Variants in RBFOX1 observed in about 807,000 individuals in gnomAD.
The protein encoded by RBFOX1 is RNA binding protein fox-1 homolog 1.
RBFOX1 carries 8 observed loss-of-function variants against 57.7 expected under a neutral mutation model. That is an observed-to-expected ratio of 0.14 (90% CI 0.08 to 0.25). The LOEUF is 0.25. RBFOX1 is among the 10% of genes least tolerant of loss of function. RBFOX1 has a pLI of 1.00. For missense variants in RBFOX1, 611 were observed against 548.5 expected (o/e 1.11, Z -1.14); for synonymous variants, 326 against 222.4 (o/e 1.47, Z -4.15).
intron 1 of RBFOX1, among the ~76,000 whole-genome samples, chr16:5,294,900 C>T (rs1158611646): frequency 6.6e-6 from 1 of 151,166 alleles, no homozygotes; most frequent in Admixed American, 6.6e-5. Context: ...TGTGGTGGTG[C>T]ACGCCTTTGA....
intron 3 of RBFOX1, among the ~76,000 whole-genome samples, chr16:7,046,281 C>G (rs1356709389): frequency 6.6e-6 from 1 of 151,008 alleles, no homozygotes; most frequent in Admixed American, 6.6e-5. Context: ...CATCCAGTTA[C>G]TCTATCATTA....
chr16:7,520,633 G>T (rs2077328922), intron 5 of RBFOX1, among the ~76,000 whole-genome samples: 1 of 152,236 alleles, frequency 6.6e-6, no homozygotes. Context: ...CACTCCTGCT[G>T]CCGACTTTTT....
At chr16:6,112,548 G>C (rs956374910) in intron 1 of RBFOX1, among the ~76,000 whole-genome samples, 1 of 152,104 alleles carries the variant, frequency 6.6e-6, no homozygotes, top group Non-Finnish European at 1.5e-5. Flanking sequence ...AAAGTTAGCT[G>C]TGCATGGTGG....
At chr16:7,237,916 A>T (rs2093853161) in intron 4 of RBFOX1, among the ~76,000 whole-genome samples, 1 of 152,212 alleles carries the variant, frequency 6.6e-6, no homozygotes, top group African/African-American at 2.4e-5. Flanking sequence ...AAGCATGAGA[A>T]TTGCTTGAAC....
chr16:6,921,063 G>A (rs932730725), intron 3 of RBFOX1, among the ~76,000 whole-genome samples: 1 of 152,102 alleles, frequency 6.6e-6, no homozygotes, highest in East Asian at 1.9e-4. Flanking sequence ...GGGCTCAGCA[G>A]GTGTTGGTTT....
At chr16:7,578,825 C>G (rs574350733) in intron 5 of RBFOX1, among the ~76,000 whole-genome samples, 2 of 152,254 alleles carry the variant, frequency 1.3e-5, no homozygotes, top group East Asian at 1.9e-4. Flanking sequence ...ACTCTAGAAC[C>G]GAGAGTATGG....
chr16:6,678,742 A>G (rs2058160261), intron 3 of RBFOX1, among the ~76,000 whole-genome samples: 1 of 152,004 alleles, frequency 6.6e-6, no homozygotes, highest in Admixed American at 6.6e-5. Context: ...GATTAATTGG[A>G]AGAAGTGCTA....
intron 3 of RBFOX1, among the ~76,000 whole-genome samples, chr16:7,016,173 G>C (rs8063106): frequency 0.016 from 2,370 of 152,176 alleles, 66 homozygotes; most frequent in African/African-American, 0.054. Context: ...CCCTTGCCGC[G>C]GTGAATTTGA....
chr16:7,623,459 C>T (rs571656375), intron 10 of RBFOX1, among the ~76,000 whole-genome samples: 2 of 152,288 alleles, frequency 1.3e-5, no homozygotes, highest in East Asian at 1.9e-4. Context: ...ATTAGATTCT[C>T]ATAAGGAACA....
At chr16:6,911,617 C>T (rs9930674) in intron 3 of RBFOX1, among the ~76,000 whole-genome samples, 7 of 152,140 alleles carry the variant, frequency 4.6e-5, no homozygotes, top group Non-Finnish European at 1.0e-4. Context: ...TTCCAAATCA[C>T]GTCTCACAGA....
At chr16:7,652,603 T>C (rs1568293405) in intron 11 of RBFOX1, among the ~76,000 whole-genome samples, 1 of 152,146 alleles carries the variant, frequency 6.6e-6, no homozygotes, top group Non-Finnish European at 1.5e-5. Flanking sequence ...AGATGGGGTT[T>C]CACCGTATTG....
At chr16:7,152,413 T>A (rs1405024418) in intron 4 of RBFOX1, among the ~76,000 whole-genome samples, 1 of 152,216 alleles carries the variant, frequency 6.6e-6, no homozygotes, top group Non-Finnish European at 1.5e-5. Context: ...GCTGACCCGA[T>A]AGCCAAAGAA....
At chr16:6,422,480 C>G (rs180949590) in intron 2 of RBFOX1, among the ~76,000 whole-genome samples, 1 of 152,010 alleles carries the variant, frequency 6.6e-6, no homozygotes, top group Non-Finnish European at 1.5e-5. Context: ...AGTCCATTCT[C>G]ACACTGCTAT....
chr16:7,644,275 G>A (rs995229546), intron 11 of RBFOX1, among the ~76,000 whole-genome samples: 2 of 152,170 alleles, frequency 1.3e-5, no homozygotes, highest in African/African-American at 4.8e-5. Context: ...GGTTTTGTGA[G>A]GCGTTAGTGG....
intron 3 of RBFOX1, among the ~76,000 whole-genome samples, chr16:6,994,802 A>G (rs1357865874): frequency 6.6e-6 from 1 of 152,208 alleles, no homozygotes; most frequent in African/African-American, 2.4e-5. Context: ...AATTGCATGG[A>G]AACGATTTGC....
At chr16:6,503,044 T>C (rs2095983850) in intron 2 of RBFOX1, among the ~76,000 whole-genome samples, 1 of 152,182 alleles carries the variant, frequency 6.6e-6, no homozygotes, top group African/African-American at 2.4e-5. Context: ...TAGTATAATA[T>C]GTATTTATAA....
intron 3 of RBFOX1, among the ~76,000 whole-genome samples, chr16:5,859,586 A>G (rs2057158464): frequency 6.6e-6 from 1 of 152,182 alleles, no homozygotes; most frequent in South Asian, 2.1e-4. Flanking sequence ...AAGAAAGTTT[A>G]CAGTGGAAAA....
intron 1 of RBFOX1, among the ~76,000 whole-genome samples, chr16:6,230,335 T>C (rs1050857405): frequency 1.3e-5 from 2 of 152,150 alleles, no homozygotes; most frequent in Non-Finnish European, 2.9e-5. Context: ...TTGTTATAAT[T>C]ATAAGGAAAA....
chr16:6,961,538 T>A (rs1001890077), intron 3 of RBFOX1, among the ~76,000 whole-genome samples: 7 of 152,198 alleles, frequency 4.6e-5, no homozygotes. Flanking sequence ...AAAGCAAGTT[T>A]ATTAGACGAG....
Sources: allele counts gnomAD v4.1 joint callset (sites outside exome capture counted in the v4.1 genomes callset), GRCh38; gene constraint gnomAD v4.1.1; transcripts MANE v1.5; gene names NCBI Gene and HGNC (gene_info 2026-07-23, HGNC 2026-07-21).